The following ANKRD18A variants were observed in gnomAD, a reference collection of about 807,000 sequenced individuals.
ANKRD18A encodes the protein ankyrin repeat domain-containing protein 18A.
ANKRD18A carries 72 observed loss-of-function variants against 110.6 expected under a neutral mutation model. The ratio of observed to expected loss-of-function variants is 0.65; its 90% CI spans 0.54 to 0.79. ANKRD18A has a LOEUF of 0.79. Among genes scored for constraint, ANKRD18A ranks in the 30% least tolerant of loss-of-function variants. The pLI, the probability that ANKRD18A is intolerant of heterozygous loss-of-function variation, is 0.00. For missense variants in ANKRD18A, 934 were observed against 1,163.3 expected (o/e 0.80, Z 2.87); for synonymous variants, 305 against 410.3 (o/e 0.74, Z 3.10).
intron 6 of ANKRD18A, chr9:38,604,100 C>CCA (rs1825249792): frequency 6.6e-6 from 1 of 151,920 alleles, no homozygotes; most frequent in Admixed American, 6.6e-5. Flanking sequence ...GAGACTGAGA[C>CCA]CATTCTGGCC....
At chr9:38,568,910 A>G (rs1212831922), downstream of ANKRD18A, 17 of 985,284 alleles carry the variant, frequency 1.7e-5, no homozygotes, top group Non-Finnish European at 2.0e-5. Flanking sequence ...CACAGGTTGG[A>G]TGACAAGATG....
At chr9:38,579,881 G>C (rs192082319) in intron 12 of ANKRD18A, among the ~76,000 whole-genome samples, 16 of 152,212 alleles carry the variant, frequency 1.1e-4, no homozygotes, top group Non-Finnish European at 2.9e-5. Context: ...GTCCTCATAT[G>C]TTTATTGTAG....
At chr9:38,581,733 A>C (rs1210765221) in intron 12 of ANKRD18A, among the ~76,000 whole-genome samples, 1 of 152,214 alleles carries the variant, frequency 6.6e-6, no homozygotes, top group Admixed American at 6.6e-5. Flanking sequence ...ATTATACCGC[A>C]ATGCTTCTCT....
At chr9:38,593,320 C>T (rs1824736444) in intron 10 of ANKRD18A, among the ~76,000 whole-genome samples, 1 of 152,164 alleles carries the variant, frequency 6.6e-6, no homozygotes, top group African/African-American at 2.4e-5. Flanking sequence ...CCTTTCTGTA[C>T]AAGTTAACCT....
chr9:38,600,530 T>C (rs1825074909), intron 8 of ANKRD18A, among the ~76,000 whole-genome samples: 1 of 152,232 alleles, frequency 6.6e-6, no homozygotes, highest in Non-Finnish European at 1.5e-5. Flanking sequence ...TAGCATTTTC[T>C]ACTTATGTTA....
At position 38,596,202 on chromosome 9, in the gene ANKRD18A, T is replaced by C; in HGVS notation, c.1138A>G (p.Ile380Val). ...EKSVRLNEKM[I>V]TKTVARYSQQ... is the part of the protein sequence containing the mutation. ...GAATACCGGGCCACTGTTTTTGTTA[T>C]CATTTTTTCATTGAGTCTTACACTC... Residue 380 changes from isoleucine to valine, a missense_variant, in exon 9 of 16, where the codon ATA (isoleucine) becomes GTA (valine). Ile to Val is a conservative substitution (Grantham distance 29). Coordinates refer to ENST00000399703, the MANE Select transcript of ANKRD18A (RefSeq NM_147195.4). The C allele has an allele frequency of 2.6e-6, 4 of 1,537,080 alleles. No homozygotes were observed. The highest frequency in any genetic ancestry group is 3.5e-6 in the Non-Finnish European group (4 of 1,141,544).
chr9:38,596,196 T>C lies in ANKRD18A; in HGVS notation c.1144A>G (p.Lys382Glu), dbSNP rs1438406310. The change falls in exon 9 of 16, where the codon AAA (lysine) becomes GAA (glutamate). Residue 382 changes from lysine (K) to glutamate (E), a missense_variant. Around this residue, in one of 4 missense-constraint regions of ANKRD18A, gnomAD observed 630 missense variants for 797.5 expected, o/e 0.79. Coordinates refer to ENST00000399703, the MANE Select transcript of ANKRD18A (RefSeq NM_147195.4). ...SVRLNEKMIT[K>E]TVARYSQQLN... is the part of the protein sequence containing the mutation. ...TGTTGCGAATACCGGGCCACTGTTT[T>C]TGTTATCATTTTTTCATTGAGTCTT... 1 of 1,537,948 alleles carries C rather than the reference T, an allele frequency of 6.5e-7. No homozygotes were observed. Among genetic ancestry groups the C allele is most frequent in the Admixed American group, 2.1e-5 (1 of 48,210 alleles).
chr9:38,619,946 A>G, intron 1 of ANKRD18A, 134 bp downstream of exon 1: 1 of 1,130,796 alleles, frequency 8.8e-7, no homozygotes, highest in African/African-American at 1.6e-5. Context: ...GACGGAAAGC[A>G]GCTGAGGCTC....
rs929567888 is a variant in ANKRD18A, at chr9:38,593,865, T to C, written c.1899A>G (p.Lys633=). ...EFQEELVDHL[K]TFSISESPLE... ...GTGGAGACTCTGATATTGAAAATGT[T>C]TTAAGGTGATCGACCAGTTCTTCTT... Residue 633 remains lysine (K), a synonymous_variant, in exon 10 of 16, where the codon AAA becomes AAG. Transcript: ENST00000399703. 1.3e-6 allele frequency: 2 copies of C among 1,530,532 alleles called. No individual in the cohort carries two copies. The highest frequency in any genetic ancestry group is 2.8e-5 in the African/African-American group (2 of 72,494). The allele number at this position is 1,530,532 out of a possible 1,614,324, so 94.8% of individuals were successfully genotyped here.
At chr9:38,586,658 G>A (rs868232852) in intron 11 of ANKRD18A, among the ~76,000 whole-genome samples, 2 of 151,892 alleles carry the variant, frequency 1.3e-5, no homozygotes, top group Non-Finnish European at 1.5e-5. Context: ...TCTGCTTCCT[G>A]GACTCAAGTG....
intron 5 of ANKRD18A, among the ~76,000 whole-genome samples, chr9:38,608,595 CTA>C (rs1825460914): frequency 7.1e-6 from 1 of 140,204 alleles, no homozygotes; most frequent in Admixed American, 7.2e-5. Flanking sequence ...TAATCTATAA[CTA>C]TATAGCTATA....
downstream of ANKRD18A, chr9:38,571,211 A>C: frequency 6.7e-7 from 1 of 1,502,428 alleles, no homozygotes; most frequent in Non-Finnish European, 8.8e-7. Flanking sequence ...GCTGCCGCAG[A>C]GAAAATACAT....
intron 6 of ANKRD18A, among the ~76,000 whole-genome samples, chr9:38,606,312 A>AG (rs896235155): frequency 6.6e-6 from 1 of 152,306 alleles, no homozygotes; most frequent in Non-Finnish European, 1.5e-5. Flanking sequence ...TTTGAACTGC[A>AG]GGGGTCCACT....
intron 12 of ANKRD18A, among the ~76,000 whole-genome samples, chr9:38,581,296 G>A (rs947387446): frequency 6.6e-6 from 1 of 152,184 alleles, no homozygotes; most frequent in African/African-American, 2.4e-5. Flanking sequence ...GGAGAGAGAT[G>A]TAAGCTGCTG....
At chr9:38,618,773 G>A (rs2118915473) in intron 1 of ANKRD18A, among the ~76,000 whole-genome samples, 1 of 151,990 alleles carries the variant, frequency 6.6e-6, no homozygotes, top group South Asian at 2.1e-4. Flanking sequence ...TGCAAAAAGT[G>A]CTTTGCTCAC....
At chr9:38,593,173 C>G (rs1824728801) in intron 10 of ANKRD18A, among the ~76,000 whole-genome samples, 1 of 152,222 alleles carries the variant, frequency 6.6e-6, no homozygotes, top group East Asian at 1.9e-4. Context: ...TTTGGATGTA[C>G]ATACTCTATT....
In ANKRD18A at chr9:38,577,281, G is replaced by A; in HGVS notation, c.2530-17C>T. 1.3e-6 allele frequency: 2 copies of A among 1,510,624 alleles called. No individual in the cohort carries two copies. The highest frequency in any genetic ancestry group is 1.3e-5 in the South Asian group (1 of 76,892). The allele number at this position is 1,510,624 out of a possible 1,614,324, so 93.6% of individuals were successfully genotyped here. A position where few individuals can be genotyped will look rare whatever the true frequency, so the allele number is the denominator to read the frequency against. ...TGCTTGTTTCTAAAACAAATGAAAA[G>A]AATACACTTTTAAAACAATTATAAG... On this transcript the variant is annotated splice_polypyrimidine_tract_variant and intron_variant, in intron 13 of 15. Transcript: ENST00000399703.
chr9:38,607,508 CG>C lies in ANKRD18A; in HGVS notation c.741-16del. ...GTTGTCGGATGCTATGCATAATAAA[CG>C]TAATAAAATTAGTATTTTAATAGTG... On this transcript the variant is annotated splice_polypyrimidine_tract_variant and intron_variant, in intron 5 of 15. Coordinates refer to ENST00000399703, the MANE Select transcript of ANKRD18A (RefSeq NM_147195.4). The C allele has an allele frequency of 7.1e-7, 1 of 1,414,924 alleles. No individual in the cohort carries two copies. The highest frequency in any genetic ancestry group is 2.8e-5 in the East Asian group (1 of 36,254). The allele number at this position is 1,414,924 out of a possible 1,614,324, so 87.6% of individuals were successfully genotyped here.
chr9:38,577,550 C>T (rs1433514784), intron 13 of ANKRD18A, among the ~76,000 whole-genome samples: 1 of 152,040 alleles, frequency 6.6e-6, no homozygotes, highest in African/African-American at 2.4e-5. Context: ...CAATGAACAA[C>T]GTAGCTTAAG....
Sources: gnomAD v4.1 joint callset for allele counts (sites outside exome capture counted in the v4.1 genomes callset) on GRCh38, gnomAD v4.1.1 for gene constraint, gnomAD v4.1.1 regional missense constraint, MANE v1.5 for transcripts, NCBI Gene and HGNC (gene_info 2026-07-23, HGNC 2026-07-21) for gene names.